The following KANSL3 variants were observed in gnomAD, a reference collection of about 807,000 sequenced individuals.
KANSL3 encodes NSL complex protein NSL3.
Under a neutral mutation model 89.2 loss-of-function variants are expected in KANSL3, and 16 were observed. That is an observed-to-expected ratio of 0.18 (90% CI 0.12 to 0.27). The LOEUF (loss-of-function observed/expected upper bound fraction) is 0.27. Among genes scored for constraint, KANSL3 ranks in the 10% least tolerant of loss-of-function variants. The pLI is 1.00. For missense variants in KANSL3, 879 were observed against 1,110.6 expected, an observed-to-expected ratio of 0.79 and a Z score of 2.96; for synonymous variants, 385 against 419.7, an observed-to-expected ratio of 0.92 and a Z score of 1.01.
chr2:96,604,200 C>A, intron 17 of KANSL3, 50 bp downstream of exon 17: 1 of 1,542,544 alleles, frequency 6.5e-7, no homozygotes, highest in Non-Finnish European at 8.7e-7. Context: ...CCAGAAGCAG[C>A]AGACCAAAAA....
intron 17 of KANSL3, chr2:96,603,156 AG>A: frequency 3.5e-6 from 1 of 287,016 alleles, no homozygotes. Flanking sequence ...CTTTCTTTCC[AG>A]GGAAGAACTT....
chr2:96,611,903 A>ATATATGTGTGTGTGTGTG lies in KANSL3; in HGVS notation c.1086+378_1086+379insCACACACACACACATATA, dbSNP rs376030964. Among the ~76,000 whole-genome samples the ATATATGTGTGTGTGTGTG allele has an allele frequency of 2.0e-3, 228 of 113,326 alleles. 6 individuals are homozygous for ATATATGTGTGTGTGTGTG. Among genetic ancestry groups the ATATATGTGTGTGTGTGTG allele is most frequent in the Admixed American group, 0.017 (168 of 10,170 alleles). The allele number at this position is 113,326 out of a possible 152,430, so 74.3% of individuals were successfully genotyped here. Reference sequence around the variant, plus strand: ...TTTTTTTCCACAGATATATACCCATATGTGTGTGTGTGTGTGTGTGTGTGT... The same window carrying ATATATGTGTGTGTGTGTG: ...TTTTTTTCCACAGATATATACCCATATATATGTGTGTGTGTGTGTGTGTGTGTGTGTGTGTGTGTGTGT... On this transcript the variant is annotated intron_variant, in intron 9 of 20. Coordinates refer to ENST00000431828, the MANE Select transcript of KANSL3 (RefSeq NM_001115016.3).
downstream of KANSL3, among the ~76,000 whole-genome samples, chr2:96,592,733 G>T (rs370639811): frequency 1.1e-4 from 16 of 152,334 alleles, no homozygotes; most frequent in East Asian, 2.5e-3. Context: ...GCTGGGTGTG[G>T]TGGCTCACGC....
chr2:96,604,094 A>G (rs1042627367), intron 17 of KANSL3, 156 bp downstream of exon 17: 28 of 743,780 alleles, frequency 3.8e-5, no homozygotes, highest in African/African-American at 3.6e-4. Context: ...CCTCTGCCCA[A>G]GCTAATTCCA....
intron 2 of KANSL3, among the ~76,000 whole-genome samples, chr2:96,633,069 CCA>C (rs2073694798): frequency 6.6e-6 from 1 of 151,244 alleles, no homozygotes; most frequent in Admixed American, 6.6e-5. Flanking sequence ...ACACTTGAGC[CCA>C]CAAGTTCAAC....
At chr2:96,583,717 T>C in the KANSL3 span, among the ~76,000 whole-genome samples, 27 of 152,370 alleles carry the variant, frequency 1.8e-4, no homozygotes, top group Non-Finnish European at 3.8e-4. Flanking sequence ...CTGCTATGAA[T>C]GTACTTGTAG....
intron 20 of KANSL3, among the ~76,000 whole-genome samples, chr2:96,598,765 C>A (rs1318148757): frequency 6.6e-6 from 1 of 151,764 alleles, no homozygotes; most frequent in Admixed American, 6.6e-5. Context: ...GAAAAATTAG[C>A]TGAGGGTGGT....
At chr2:96,606,918 G>A in intron 14 of KANSL3, 1 of 994,620 alleles carries the variant, frequency 1.0e-6, no homozygotes, top group Non-Finnish European at 1.4e-6. Context: ...ATAAATAAGG[G>A]GTTGAGGAGC....
At position 96,613,476 on chromosome 2, in the gene KANSL3, C is replaced by G; in HGVS notation, c.795+12G>C. 6.2e-7 allele frequency: 1 copy of G among 1,612,300 alleles called. No individual in the cohort carries two copies. The highest frequency in any genetic ancestry group is 8.5e-7 in the Non-Finnish European group (1 of 1,178,880). On this transcript the variant is annotated intron_variant, in intron 6 of 20. Transcript: ENST00000431828. ...TATGTACCATTGTTAAGTCCTGAGCCATCCAACTTACTGGTTTGTTATGAG... is the reference window on the plus strand; with the variant it reads ...TATGTACCATTGTTAAGTCCTGAGCGATCCAACTTACTGGTTTGTTATGAG...
chr2:96,624,434 G>A (rs2071908211), intron 3 of KANSL3, among the ~76,000 whole-genome samples: 1 of 152,196 alleles, frequency 6.6e-6, no homozygotes, highest in African/African-American at 2.4e-5. Context: ...CATTTAGGTT[G>A]TGCATTTTTT....
rs2068414741 is a variant in KANSL3 at position 96,608,898 on chromosome 2, G to T, written c.1550C>A (p.Ala517Asp). The part of the protein sequence containing the change: ...PERGSRPASP[A>D]AKLPASPSGS... ...TGAGGGTGAGGCGGGCAGCTTGGCA[G>T]CTGGGGAGGCAGGTCGACTGCCCCG... Residue 517 changes from alanine to aspartate, a missense_variant, in exon 13 of 21, where the codon GCT (alanine) becomes GAT (aspartate). Transcript: ENST00000431828. 1.3e-6 allele frequency: 2 copies of T among 1,578,058 alleles called. No individual in the cohort carries two copies. The highest frequency in any genetic ancestry group is 1.7e-6 in the Non-Finnish European group (2 of 1,162,102).
chr2:96,582,031 T>G, the KANSL3 span, among the ~76,000 whole-genome samples: 2 of 152,254 alleles, frequency 1.3e-5, no homozygotes, highest in African/African-American at 4.8e-5. Context: ...GATATTGCCC[T>G]AAGGTGTTAT....
At chr2:96,612,769 A>C in intron 7 of KANSL3, 49 bp downstream of exon 7, 1 of 1,434,144 alleles carries the variant, frequency 7.0e-7, no homozygotes, top group Non-Finnish European at 9.6e-7. Context: ...TCAATCCTCC[A>C]AGACTATATT....
chr2:96,610,145 T>A (rs2068663305), intron 11 of KANSL3, among the ~76,000 whole-genome samples: 1 of 151,910 alleles, frequency 6.6e-6, no homozygotes, highest in African/African-American at 2.4e-5. Context: ...TACAGTATCA[T>A]GTAGATGTTA....
At position 96,605,372 on chromosome 2, in the gene KANSL3, T is replaced by C. The variant is rs2067821481; in HGVS notation, c.1881A>G (p.Gln627=). ...RPKIKVSLIS[Q]GDTAGGPCAP... is the part of the protein sequence containing the mutation. ...CACAAGGCCCTCCAGCTGTGTCCCC[T>C]TGGGAGATAAGGGACACCTTGATCT... The change falls in exon 15 of 21, where the codon CAA becomes CAG. Residue 627 remains glutamine (Q), a synonymous_variant. Transcript: ENST00000431828. The C allele has an allele frequency of 6.2e-7, 1 of 1,613,788 alleles. No homozygotes were observed. The highest frequency in any genetic ancestry group is 1.7e-5 in the Admixed American group (1 of 60,014).
chr2:96,613,408 T>C (rs2069374693), intron 6 of KANSL3, 80 bp downstream of exon 6: 2 of 1,165,508 alleles, frequency 1.7e-6, no homozygotes, highest in Middle Eastern at 2.0e-4. Flanking sequence ...AAAGAAGCCA[T>C]TTATCCTCCT....
At chr2:96,628,671 G>T (rs974703719) in intron 3 of KANSL3, 3 of 151,778 alleles carry the variant, frequency 2.0e-5, no homozygotes, top group African/African-American at 7.3e-5. Context: ...AAAGAAAAAA[G>T]AAACAAACTG....
At chr2:96,634,451 G>C (rs549799502) in intron 2 of KANSL3, among the ~76,000 whole-genome samples, 5 of 152,180 alleles carry the variant, frequency 3.3e-5, no homozygotes, top group South Asian at 4.1e-4. Flanking sequence ...AGGAGGCAGA[G>C]GTTGCAGTGA....
intron 3 of KANSL3, among the ~76,000 whole-genome samples, chr2:96,621,653 C>CA (rs1185511216): frequency 6.7e-6 from 1 of 150,336 alleles, no homozygotes; most frequent in Admixed American, 6.6e-5. Flanking sequence ...AAATAAAAAA[C>CA]AAAAAAAATT....
Sources: gnomAD v4.1 joint callset for allele counts (sites outside exome capture counted in the v4.1 genomes callset) on GRCh38, gnomAD v4.1.1 for gene constraint, MANE v1.5 for transcripts, NCBI Gene and HGNC (gene_info 2026-07-23, HGNC 2026-07-21) for gene names.